The following SMCHD1 variants were observed in gnomAD, a reference collection of about 807,000 sequenced individuals.
The protein encoded by SMCHD1 is structural maintenance of chromosomes flexible hinge domain containing 1.
In SMCHD1, 78 loss-of-function variants were observed where a neutral mutation model predicts 254.7. The ratio of observed to expected loss-of-function variants is 0.31; its 90% confidence interval spans 0.26 to 0.37. SMCHD1 has a LOEUF of 0.37. SMCHD1 is among the 10% of genes least tolerant of loss of function. SMCHD1 has a pLI of 1.00. For missense variants in SMCHD1, 1,840 were observed against 2,408.1 expected (o/e 0.76, Z 4.94); for synonymous variants, 766 against 794.9 (o/e 0.96, Z 0.61).
chr18:2,678,253 T>TCTC (rs2073810350), intron 5 of SMCHD1, among the ~76,000 whole-genome samples: 1 of 114,208 alleles, frequency 8.8e-6, no homozygotes, highest in Admixed American at 9.3e-5. Context: ...CGTTCTTTCT[T>TCTC]TCTCTCTCTC....
chr18:2,713,852 G>C (rs1397152273), intron 17 of SMCHD1, among the ~76,000 whole-genome samples: 4 of 152,150 alleles, frequency 2.6e-5, no homozygotes, highest in Non-Finnish European at 4.4e-5. Flanking sequence ...ATATGATTCT[G>C]ATTTTTCAAA....
chr18:2,778,102 G>T, intron 43 of SMCHD1, 67 bp from the exon 44 acceptor site: 1 of 1,225,684 alleles, frequency 8.2e-7, no homozygotes, highest in Non-Finnish European at 1.2e-6. Flanking sequence ...CTTGCAATGT[G>T]CATTATATTT....
At chr18:2,671,473 C>T (rs576633475) in intron 3 of SMCHD1, among the ~76,000 whole-genome samples, 1 of 151,926 alleles carries the variant, frequency 6.6e-6, no homozygotes, top group Admixed American at 6.5e-5. Flanking sequence ...TGTTTAAAAT[C>T]TTGCCTTGAT....
chr18:2,662,018 G>T (rs1598276263), intron 1 of SMCHD1, among the ~76,000 whole-genome samples: 1 of 143,088 alleles, frequency 7.0e-6, no homozygotes, highest in Non-Finnish European at 1.5e-5. Context: ...AATTAGCCGG[G>T]CGCGGTGGCA....
intron 5 of SMCHD1, among the ~76,000 whole-genome samples, chr18:2,686,420 G>T (rs2074053703): frequency 6.6e-6 from 1 of 152,152 alleles, no homozygotes; most frequent in Admixed American, 6.5e-5. Flanking sequence ...TGGATAAGGG[G>T]CACTCAAACC....
At chr18:2,738,745 G>A (rs1017225330) in intron 26 of SMCHD1, among the ~76,000 whole-genome samples, 200 bp downstream of exon 26, 4 of 152,162 alleles carry the variant, frequency 2.6e-5, no homozygotes, top group African/African-American at 9.7e-5. Context: ...CCTTCTAGTA[G>A]CTGGAACCTT....
chr18:2,743,955 A>T, intron 29 of SMCHD1, 27 bp downstream of exon 29: 1 of 1,551,214 alleles, frequency 6.4e-7, no homozygotes, highest in South Asian at 1.2e-5. Flanking sequence ...CTTCACTGAA[A>T]GAATTTAATA....
At chr18:2,672,715 G>A (rs987985606) in intron 3 of SMCHD1, among the ~76,000 whole-genome samples, 1 of 152,198 alleles carries the variant, frequency 6.6e-6, no homozygotes, top group Non-Finnish European at 1.5e-5. Flanking sequence ...TGTCACGTTG[G>A]TGGTGTGGTA....
At chr18:2,793,493 C>T (rs1041090706) in intron 45 of SMCHD1, among the ~76,000 whole-genome samples, 5 of 151,750 alleles carry the variant, frequency 3.3e-5, no homozygotes, top group African/African-American at 1.2e-4. Context: ...GAAACCCTGT[C>T]TCTACTAAAA....
chr18:2,675,184 C>G lies in SMCHD1; in HGVS notation c.638+1039C>G, dbSNP rs140069019. 4.1e-3 allele frequency among the ~76,000 whole-genome samples: 625 copies of G among 151,634 alleles called. 4 individuals are homozygous for G. Among genetic ancestry groups the G allele is most frequent in the African/African-American group, 0.015 (604 of 41,254 alleles). ...ATGTAAAATCCTTAGGACAGAGCCT[C>G]GCATATGGTAAACAGTCAATAAATA... On this transcript the variant is annotated intron_variant, in intron 5 of 47. Coordinates refer to ENST00000320876, the MANE Select transcript of SMCHD1 (RefSeq NM_015295.3).
rs763806128 is a variant in SMCHD1, at chr18:2,666,198, A to G, written c.228A>G (p.Thr76=). ...CTGAAGAAAAATTTGTTATTACAAC[A>G]ACAAGTAGGAAAGAAATTACCTGTG... ...ISPEEKFVIT[T]TSRKEITCDN... The change falls in exon 2 of 48, where the codon ACA becomes ACG. Residue 76 remains threonine (T), a synonymous_variant. Coordinates refer to ENST00000320876, the MANE Select transcript of SMCHD1 (RefSeq NM_015295.3). 1.1e-5 allele frequency: 17 copies of G among 1,557,926 alleles called. No individual in the cohort carries two copies. Among genetic ancestry groups the G allele is most frequent in the East Asian group, 2.3e-5 (1 of 44,184 alleles).
chr18:2,685,115 T>TTTTTTTTTTTTTTTTC (rs2074018275), intron 5 of SMCHD1, among the ~76,000 whole-genome samples: 1 of 145,622 alleles, frequency 6.9e-6, no homozygotes, highest in African/African-American at 2.5e-5. Context: ...TTTTTTTTTT[T>TTTTTTTTTTTTTTTTC]TTTGAGACGA....
Position 2,750,339 on chromosome 18 carries a change from T to C in SMCHD1, c.4008-11T>C. 3 of 1,594,316 alleles carry C rather than the reference T, an allele frequency of 1.9e-6. No individual in the cohort carries two copies. The highest frequency in any genetic ancestry group is 2.6e-6 in the Non-Finnish European group (3 of 1,172,578). On this transcript the variant is annotated splice_polypyrimidine_tract_variant and intron_variant, in intron 31 of 47. Transcript: ENST00000320876. Reference sequence around the variant, plus strand: ...TGTAATTTGAACCCCTCTCCTCTTTTGTTTTGTTAGGGGAGAGCATACTCT... The same window carrying C: ...TGTAATTTGAACCCCTCTCCTCTTTCGTTTTGTTAGGGGAGAGCATACTCT...
rs75981693 is a variant in SMCHD1, at chr18:2,750,564, T to A, written c.4165+57T>A. 9.3e-4 allele frequency: 1,305 copies of A among 1,405,652 alleles called. 13 individuals are homozygous for A. In the African/African-American group the frequency reaches 0.015, roughly 16 times the overall value. The allele number at this position is 1,405,652 out of a possible 1,614,324, so 87.1% of individuals were successfully genotyped here. The stretch of plus-strand genomic sequence containing the variant: ...AATGATAATTTGCTTTGTACATTAG[T>A]GGAATAAATTACTTATCCTAGGTTA... On this transcript the variant is annotated intron_variant, in intron 32 of 47. Transcript: ENST00000320876.
At chr18:2,746,869 A>G (rs2143591048) in intron 29 of SMCHD1, among the ~76,000 whole-genome samples, 1 of 152,302 alleles carries the variant, frequency 6.6e-6, no homozygotes, top group Non-Finnish European at 1.5e-5. Flanking sequence ...CAATATTAAT[A>G]GGTCAGTAGG....
intron 37 of SMCHD1, among the ~76,000 whole-genome samples, chr18:2,767,558 C>T (rs1175688128): frequency 6.8e-6 from 1 of 146,958 alleles, no homozygotes; most frequent in African/African-American, 2.5e-5. Flanking sequence ...TACTATACAC[C>T]TGGGCTATAT....
rs757336537 is a variant in SMCHD1 at position 2,763,645 on chromosome 18, C to T, written c.4575C>T (p.Tyr1525=). The change falls in exon 37 of 48, where the codon TAC becomes TAT. Residue 1525 remains tyrosine (Y), a synonymous_variant. Coordinates refer to ENST00000320876, the MANE Select transcript of SMCHD1 (RefSeq NM_015295.3). ...RDLHLSITDD[Y]DNHTGIDLVG... is the part of the protein sequence containing the mutation. The stretch of plus-strand genomic sequence containing the variant: ...CCATTTTTTGTTTTAAGGATGACTA[C>T]GACAACCATACTGGAATTGATTTGG... 1.5e-5 allele frequency: 23 copies of T among 1,568,794 alleles called. 1 individual carries two copies. The South Asian group carries it at 1.8e-4, about 12-fold the overall frequency.
chr18:2,747,421 G>A, intron 29 of SMCHD1, 101 bp from the exon 30 acceptor site: 2 of 1,065,628 alleles, frequency 1.9e-6, no homozygotes, highest in Non-Finnish European at 2.6e-6. Context: ...TTTGCAAATA[G>A]AACAGAGATA....
intron 33 of SMCHD1, 142 bp from the exon 34 acceptor site, chr18:2,752,346 C>CACAG: frequency 1.6e-6 from 1 of 638,058 alleles, no homozygotes; most frequent in Non-Finnish European, 2.8e-6. Context: ...AAGATATAAA[C>CACAG]GTGTGTATAT....
Sources: allele counts gnomAD v4.1 joint callset (sites outside exome capture counted in the v4.1 genomes callset), GRCh38; gene constraint gnomAD v4.1.1; transcripts MANE v1.5; gene names NCBI Gene and HGNC (gene_info 2026-07-23, HGNC 2026-07-21).